The following NRXN2 variants were observed in gnomAD, a reference collection of about 807,000 sequenced individuals.
NRXN2 encodes the protein neurexin 2.
NRXN2 carries 29 observed loss-of-function variants against 128.8 expected under a neutral mutation model. That is an observed-to-expected ratio of 0.23 (90% confidence interval 0.17 to 0.31). The LOEUF is 0.31. Among genes scored for constraint, NRXN2 ranks in the 10% least tolerant of loss-of-function variants. The probability of loss-of-function intolerance (pLI) is 1.00; values close to 1 mark genes in which losing one functional copy is unlikely to be tolerated. For synonymous variants in NRXN2, 1,098 were observed against 1,075.2 expected, an observed-to-expected ratio of 1.02 and a Z score of -0.41; for missense variants, 1,881 against 2,452.6, an observed-to-expected ratio of 0.77 and a Z score of 4.92.
At chr11:64,688,595 G>A (rs2053411394) in intron 5 of NRXN2, 1 of 985,248 alleles carries the variant, frequency 1.0e-6, no homozygotes, top group South Asian at 4.7e-5. Flanking sequence ...CTATCTCGCC[G>A]GTCTGGCGCG....
At chr11:64,620,935 C>G (rs1215681921) in intron 21 of NRXN2, among the ~76,000 whole-genome samples, 1 of 151,718 alleles carries the variant, frequency 6.6e-6, no homozygotes, top group Non-Finnish European at 1.5e-5. Context: ...AGCATTTTCT[C>G]TCTTACTTAT....
intron 21 of NRXN2, 103 bp from the exon 22 acceptor site, chr11:64,620,475 G>T: frequency 1.1e-6 from 1 of 893,690 alleles, no homozygotes; most frequent in South Asian, 1.4e-5. Context: ...ATGCCCCTGG[G>T]CTGAGACGGA....
Position 64,660,820 on chromosome 11 carries a change from T to C in NRXN2, c.2118A>G (p.Arg706=). The change falls in exon 10 of 23, where the codon CGA becomes CGG. Residue 706 remains arginine, a synonymous_variant. Transcript: ENST00000265459. This position sits in a 1 kb window ranked among gnomAD's most constrained non-coding sequence, Gnocchi z 5.2. ...CACAGATGAAGCGGTTCCAGCCTTC[T>C]CGACAGACGCCCCCATTGCGACAGG... is the stretch of plus-strand genomic sequence containing the variant. ...SAPCRNGGVC[R]EGWNRFICDC... 1 of 1,614,018 alleles carries C rather than the reference T, an allele frequency of 6.2e-7. No homozygotes were observed. Among genetic ancestry groups the C allele is most frequent in the South Asian group, 1.1e-5 (1 of 91,088 alleles).
intron 3 of NRXN2, among the ~76,000 whole-genome samples, chr11:64,694,604 T>C (rs1190115382): frequency 6.6e-6 from 1 of 152,166 alleles, no homozygotes; most frequent in Non-Finnish European, 1.5e-5. Context: ...TGAACAGCTC[T>C]TGGGAGGATG....
chr11:64,625,397 T>A lies in NRXN2; in HGVS notation c.3847+1066A>T, dbSNP rs1445295359. Among the ~76,000 whole-genome samples the A allele has an allele frequency of 2.0e-5, 3 of 152,218 alleles. No homozygotes were observed. In the East Asian group the frequency reaches 5.8e-4, roughly 29 times the overall value. On this transcript the variant is annotated intron_variant, in intron 20 of 22. Coordinates refer to ENST00000265459, the MANE Select transcript of NRXN2 (RefSeq NM_015080.4). ...CACCCCGCTGGAGAGAGCAGCCCAG[T>A]GTGGCTGGGGGCTGTAGGTTTTAGC...
chr11:64,720,031 C>A (rs1427556638), intron 1 of NRXN2, among the ~76,000 whole-genome samples: 1 of 152,216 alleles, frequency 6.6e-6, no homozygotes, highest in African/African-American at 2.4e-5. Flanking sequence ...TTACTACTAT[C>A]ATTGCCATCA....
chr11:64,680,505 G>A (rs2052070171), intron 6 of NRXN2, among the ~76,000 whole-genome samples: 1 of 152,224 alleles, frequency 6.6e-6, no homozygotes, highest in Non-Finnish European at 1.5e-5. Flanking sequence ...TGGAGGCAGA[G>A]GAACAGAGTG....
rs144512935 is a variant in NRXN2 at position 64,622,796 on chromosome 11, G to A, written c.4130C>T (p.Thr1377Met). 51 of 1,612,288 alleles carry A rather than the reference G, an allele frequency of 3.2e-5. No individual in the cohort carries two copies. The highest frequency in any genetic ancestry group is 3.8e-5 in the Non-Finnish European group (45 of 1,179,942). ...ETTTTMATTT[T>M]RRGRSPTLRD... Reference sequence around the variant, plus strand: ...CAGTGTGGGGGAGCGGCCCCGGCGCGTGGTGGTAGTGGCCATGGTGGTGGT... The same window carrying A: ...CAGTGTGGGGGAGCGGCCCCGGCGCATGGTGGTAGTGGCCATGGTGGTGGT... Residue 1377 changes from threonine to methionine, a missense_variant, in exon 21 of 23, where the codon ACG (threonine) becomes ATG (methionine). Thr to Met is a moderately conservative substitution (Grantham distance 81). Coordinates refer to ENST00000265459, the MANE Select transcript of NRXN2 (RefSeq NM_015080.4). The surrounding 1 kb of genome is among the most constrained non-coding windows in gnomAD (Gnocchi z 4.3).
intron 6 of NRXN2, among the ~76,000 whole-genome samples, chr11:64,685,424 A>G (rs2052895487): frequency 6.6e-6 from 1 of 152,090 alleles, no homozygotes; most frequent in African/African-American, 2.4e-5. Flanking sequence ...GCCCAGGGAC[A>G]GTTCTGGAGC....
chr11:64,643,671 C>A (rs975930444), intron 17 of NRXN2, among the ~76,000 whole-genome samples: 1 of 151,302 alleles, frequency 6.6e-6, no homozygotes, highest in African/African-American at 2.4e-5. Context: ...GAGCGGCTCC[C>A]GATCTGCGGG....
In NRXN2 at chr11:64,622,495, C is replaced by T. The variant is rs1296564065; in HGVS notation, c.4173+258G>A. Among the ~76,000 whole-genome samples, 1 of 152,240 alleles carries T rather than the reference C, an allele frequency of 6.6e-6. No individual in the cohort carries two copies. The highest frequency in any genetic ancestry group is 2.4e-5 in the African/African-American group (1 of 41,458). On this transcript the variant is annotated intron_variant, in intron 21 of 22. Transcript: ENST00000265459. This position sits in a 1 kb window ranked among gnomAD's most constrained non-coding sequence, Gnocchi z 4.3. ...CTCATATAACTGGGCCATCAAACTC[C>T]TCCCCAATTCTGGGAATGGTCCCTC... is the stretch of plus-strand genomic sequence containing the variant.
chr11:64,698,066 G>A (rs867292589), intron 2 of NRXN2, among the ~76,000 whole-genome samples: 4 of 152,112 alleles, frequency 2.6e-5, no homozygotes, highest in Non-Finnish European at 4.4e-5. Flanking sequence ...TCAGGAAACC[G>A]AGGCCCAGGA....
At chr11:64,720,569 T>G (rs1191280273) in intron 1 of NRXN2, among the ~76,000 whole-genome samples, 1 of 151,218 alleles carries the variant, frequency 6.6e-6, no homozygotes, top group Non-Finnish European at 1.5e-5. Context: ...CCAGGAGGGG[T>G]AGGAGGCCCT....
Position 64,705,258 on chromosome 11 carries a change from G to C in NRXN2, c.731-7466C>G, listed in dbSNP as rs189105114. Among the ~76,000 whole-genome samples, 4 of 152,328 alleles carry C rather than the reference G, an allele frequency of 2.6e-5. No homozygotes were observed. In the East Asian group the frequency reaches 7.7e-4, roughly 29 times the overall value. ...CTCTCCTTTCAGGAGGCAGCATGGA[G>C]ACAGGTAGGGAGCAACAGGCTCTTG... On this transcript the variant is annotated intron_variant, in intron 2 of 22. Coordinates refer to ENST00000265459, the MANE Select transcript of NRXN2 (RefSeq NM_015080.4).
intron 17 of NRXN2, chr11:64,643,335 CG>C: frequency 2.8e-5 from 7 of 252,408 alleles, no homozygotes; most frequent in African/African-American, 9.5e-5. Context: ...CGACGGAGGC[CG>C]GGGGAAAGGA....
intron 17 of NRXN2, among the ~76,000 whole-genome samples, chr11:64,638,819 G>A (rs144597164): frequency 1.1e-3 from 164 of 152,186 alleles, no homozygotes; most frequent in African/African-American, 3.1e-3. Context: ...GCCCAGGTTC[G>A]GCACCTTCTG....
chr11:64,637,445 G>A (rs1213404097), intron 17 of NRXN2: 1 of 152,418 alleles, frequency 6.6e-6, no homozygotes, highest in Admixed American at 6.5e-5. Context: ...GAGCCCAGTA[G>A]GCCTCAGCCG....
At chr11:64,609,865 G>A (rs544953698) in intron 22 of NRXN2, among the ~76,000 whole-genome samples, 12 of 152,108 alleles carry the variant, frequency 7.9e-5, no homozygotes, top group Admixed American at 1.3e-4. Flanking sequence ...CATAGATCAC[G>A]CCCAGAAGCC....
chr11:64,668,278 T>C (rs1052377935), intron 8 of NRXN2, among the ~76,000 whole-genome samples, 165 bp downstream of exon 8: 1 of 152,194 alleles, frequency 6.6e-6, no homozygotes, highest in Non-Finnish European at 1.5e-5. Context: ...GAGAAGCCTC[T>C]TGATGGAGTC....
Sources: gnomAD v4.1 joint callset for allele counts (sites outside exome capture counted in the v4.1 genomes callset) on GRCh38, gnomAD v4.1.1 for gene constraint, Gnocchi (gnomAD v3.1) non-coding constraint, MANE v1.5 for transcripts, NCBI Gene and HGNC (gene_info 2026-07-23, HGNC 2026-07-21) for gene names.